The following FBXL17 variants were observed in gnomAD, a reference collection of about 807,000 sequenced individuals.
The protein encoded by FBXL17 is F-box and leucine rich repeat protein 17.
A neutral mutation model predicts 66.2 loss-of-function variants in FBXL17; 22 were observed. The ratio of observed to expected loss-of-function variants is 0.33; its 90% CI spans 0.24 to 0.47. The LOEUF is 0.47. Ranked by LOEUF, FBXL17 falls within the 20% of genes least tolerant of loss-of-function variation. The probability of loss-of-function intolerance (pLI) is 1.00; values close to 1 mark genes in which losing one functional copy is unlikely to be tolerated. For missense variants in FBXL17, 878 were observed against 948.2 expected (o/e 0.93, Z 0.97); for synonymous variants, 474 against 400.5 (o/e 1.18, Z -2.19).
chr5:108,350,688 T>C (rs766403673), intron 3 of FBXL17, among the ~76,000 whole-genome samples: 9 of 152,216 alleles, frequency 5.9e-5, no homozygotes, highest in African/African-American at 1.2e-4. Context: ...CATCAAATTC[T>C]GAAGATAAAT....
chr5:108,219,928 C>CTTTTTTTTT, intron 5 of FBXL17, among the ~76,000 whole-genome samples: 390 of 37,476 alleles, frequency 0.01, 1 homozygote, highest in Non-Finnish European at 0.012. Flanking sequence ...TTACTATTTC[C>CTTTTTTTTT]TTTTTTTTTT....
At chr5:107,963,334 A>G (rs569795188) in intron 7 of FBXL17, among the ~76,000 whole-genome samples, 25 of 152,208 alleles carry the variant, frequency 1.6e-4, no homozygotes, top group African/African-American at 6.0e-4. Context: ...GGGAAATGAG[A>G]AATTAAACAA....
intron 4 of FBXL17, among the ~76,000 whole-genome samples, chr5:108,239,756 C>T (rs748233579): frequency 2.3e-4 from 35 of 152,068 alleles, no homozygotes; most frequent in Non-Finnish European, 2.5e-4. Context: ...TTGTACCACC[C>T]CTTCCTCACC....
intron 4 of FBXL17, among the ~76,000 whole-genome samples, chr5:108,295,306 TA>T (rs1315107194): frequency 6.6e-6 from 1 of 151,880 alleles, no homozygotes; most frequent in African/African-American, 2.4e-5. Flanking sequence ...AAATTTTTAA[TA>T]TTTTTTAAAT....
intron 8 of FBXL17, among the ~76,000 whole-genome samples, chr5:107,877,745 A>G (rs1174359345): frequency 3.3e-5 from 5 of 151,702 alleles, no homozygotes; most frequent in African/African-American, 1.2e-4. Flanking sequence ...CACTGGCTCC[A>G]CTGGTGTGCA....
chr5:107,899,343 T>TG (rs1158928935), intron 7 of FBXL17, among the ~76,000 whole-genome samples: 1 of 152,124 alleles, frequency 6.6e-6, no homozygotes, highest in Non-Finnish European at 1.5e-5. Flanking sequence ...GTAGTTAACT[T>TG]GGGGGGAATC....
chr5:107,867,853 C>T (rs1748320187), intron 8 of FBXL17, among the ~76,000 whole-genome samples: 1 of 152,144 alleles, frequency 6.6e-6, no homozygotes, highest in Non-Finnish European at 1.5e-5. Context: ...GAAATTCTGC[C>T]ACCAAAACTG....
At chr5:108,232,302 T>C (rs1212659669) in intron 4 of FBXL17, among the ~76,000 whole-genome samples, 3 of 152,200 alleles carry the variant, frequency 2.0e-5, no homozygotes, top group Admixed American at 2.0e-4. Context: ...AAAGGATAGT[T>C]GCATTAAGTT....
intron 7 of FBXL17, among the ~76,000 whole-genome samples, chr5:107,935,005 G>C (rs1370036184): frequency 6.6e-6 from 1 of 151,940 alleles, no homozygotes; most frequent in Non-Finnish European, 1.5e-5. Context: ...GTTGTTCTAA[G>C]GTTATCGTTG....
intron 1 of FBXL17, among the ~76,000 whole-genome samples, chr5:108,377,337 C>T (rs1450435532): frequency 1.3e-5 from 2 of 152,184 alleles, no homozygotes; most frequent in African/African-American, 4.8e-5. Flanking sequence ...AGCTACTCTT[C>T]CACTCACCCC....
At chr5:108,221,780 A>G (rs1754876731) in intron 5 of FBXL17, among the ~76,000 whole-genome samples, 1 of 152,216 alleles carries the variant, frequency 6.6e-6, no homozygotes, top group Non-Finnish European at 1.5e-5. Flanking sequence ...TAAAATAAAA[A>G]GCATTAATTT....
chr5:108,306,073 C>T (rs1244522476), intron 4 of FBXL17, among the ~76,000 whole-genome samples: 1 of 152,026 alleles, frequency 6.6e-6, no homozygotes, highest in African/African-American at 2.4e-5. Flanking sequence ...ATCTTATCCA[C>T]ACCTGTTTAC....
intron 6 of FBXL17, among the ~76,000 whole-genome samples, chr5:108,174,193 GGTAA>G (rs548759193): frequency 6.6e-6 from 1 of 151,858 alleles, no homozygotes; most frequent in Non-Finnish European, 1.5e-5. Flanking sequence ...TTCAGGCATA[GGTAA>G]TCTACTCCTC....
chr5:108,265,221 C>A (rs565940639), intron 4 of FBXL17, among the ~76,000 whole-genome samples: 2 of 152,134 alleles, frequency 1.3e-5, no homozygotes, highest in South Asian at 4.1e-4. Flanking sequence ...TTCTGAAATA[C>A]TTTATCAGTC....
At chr5:108,269,147 A>G (rs1007897002) in intron 4 of FBXL17, among the ~76,000 whole-genome samples, 1 of 152,016 alleles carries the variant, frequency 6.6e-6, no homozygotes, top group Admixed American at 6.5e-5. Context: ...ACTTTCCTTC[A>G]TATCGGGAGG....
At chr5:108,333,915 C>A (rs1469134835) in intron 4 of FBXL17, among the ~76,000 whole-genome samples, 1 of 152,070 alleles carries the variant, frequency 6.6e-6, no homozygotes, top group Non-Finnish European at 1.5e-5. Flanking sequence ...ATGAGGAGAC[C>A]TGCTACGTGC....
intron 6 of FBXL17, among the ~76,000 whole-genome samples, chr5:108,122,901 A>G (rs1468794844): frequency 1.3e-5 from 2 of 152,084 alleles, no homozygotes; most frequent in Non-Finnish European, 2.9e-5. Context: ...TGGCAGTGCT[A>G]TCGCACTCAT....
intron 5 of FBXL17, among the ~76,000 whole-genome samples, chr5:108,190,791 A>AT (rs1160896676): frequency 1.3e-5 from 2 of 152,088 alleles, no homozygotes; most frequent in African/African-American, 2.4e-5. Flanking sequence ...AAAAATCACC[A>AT]TTTTTTTAAA....
At chr5:108,218,300 G>A (rs1468024651) in intron 5 of FBXL17, among the ~76,000 whole-genome samples, 5 of 151,974 alleles carry the variant, frequency 3.3e-5, no homozygotes, top group South Asian at 4.2e-4. Context: ...GAGCCACCGC[G>A]CCTGGCCAAC....
Sources: allele counts gnomAD v4.1 joint callset (sites outside exome capture counted in the v4.1 genomes callset), GRCh38; gene constraint gnomAD v4.1.1; transcripts MANE v1.5; gene names NCBI Gene and HGNC (gene_info 2026-07-23, HGNC 2026-07-21).